The following INO80 variants were observed in gnomAD, a reference collection of about 807,000 sequenced individuals.
The protein encoded by INO80 is chromatin-remodeling ATPase INO80.
Under a neutral mutation model 203.4 loss-of-function variants are expected in INO80, and 20 were observed. The observed-to-expected ratio is 0.10, with a 90% CI of 0.07 to 0.14. The LOEUF (loss-of-function observed/expected upper bound fraction) is 0.14, where lower values mean the gene tolerates loss of function less well. INO80 is among the 10% of genes least tolerant of loss of function. INO80 has a pLI of 1.00. For missense variants in INO80, 1,419 were observed against 1,914.4 expected (o/e 0.74, Z 4.83); for synonymous variants, 726 against 685.2 (o/e 1.06, Z -0.93).
intron 28 of INO80, among the ~76,000 whole-genome samples, chr15:40,999,671 G>GTAGTGTA (rs1423665509): frequency 6.6e-6 from 1 of 152,164 alleles, no homozygotes; most frequent in Non-Finnish European, 1.5e-5. Flanking sequence ...ATTAAATTGT[G>GTAGTGTA]TAGTGTAAAC....
intron 27 of INO80, among the ~76,000 whole-genome samples, chr15:41,010,966 A>T (rs2044126584): frequency 6.6e-6 from 1 of 152,226 alleles, no homozygotes. Context: ...AGTCCAAGCA[A>T]ATTGAACCAA....
At chr15:41,055,117 T>C (rs2044959397) in intron 18 of INO80, 130 bp downstream of exon 18, 1 of 489,834 alleles carries the variant, frequency 2.0e-6, no homozygotes, top group African/African-American at 2.0e-5. Flanking sequence ...AAGCAAAAAA[T>C]GTGGTTTTCT....
At chr15:41,078,739 G>A (rs2045440968) in intron 9 of INO80, among the ~76,000 whole-genome samples, 1 of 108,982 alleles carries the variant, frequency 9.2e-6, no homozygotes, top group Non-Finnish European at 1.8e-5. Flanking sequence ...TTTATCAATG[G>A]CAATACAATG....
Position 40,990,072 on chromosome 15 carries a change from T to C in INO80, c.3571-2098A>G, listed in dbSNP as rs566373340. On this transcript the variant is annotated intron_variant, in intron 29 of 35. Coordinates refer to ENST00000648947, the MANE Select transcript of INO80 (RefSeq NM_017553.3). ...ATGGCTAAAATTTGTTGGGTACTTA[T>C]GAGCCCAGGACTAGTATGCATATAT... 5.3e-5 allele frequency among the ~76,000 whole-genome samples: 8 copies of C among 152,150 alleles called. No homozygotes were observed. The East Asian group carries it at 1.5e-3, about 29-fold the overall frequency.
intron 7 of INO80, among the ~76,000 whole-genome samples, chr15:41,082,792 G>A (rs185220223): frequency 1.8e-3 from 269 of 152,240 alleles, no homozygotes; most frequent in Non-Finnish European, 2.2e-3. Flanking sequence ...GCTGAGGTGC[G>A]AGGACTGCTT....
At chr15:41,030,426 G>C (rs755230377) in intron 24 of INO80, among the ~76,000 whole-genome samples, 1 of 152,096 alleles carries the variant, frequency 6.6e-6, no homozygotes, top group Non-Finnish European at 1.5e-5. Flanking sequence ...GCAGTGGTGC[G>C]ATCTCGGCTC....
At chr15:41,049,027 G>C (rs1403137290) in intron 21 of INO80, among the ~76,000 whole-genome samples, 2 of 152,204 alleles carry the variant, frequency 1.3e-5, no homozygotes, top group Admixed American at 6.5e-5. Flanking sequence ...CATACTTGCT[G>C]CAAGTACATA....
chr15:41,060,316 T>C (rs960818974), intron 14 of INO80, among the ~76,000 whole-genome samples: 1 of 152,168 alleles, frequency 6.6e-6, no homozygotes, highest in South Asian at 2.1e-4. Context: ...AGGCTGGGCA[T>C]GGTAGCTCAC....
At chr15:41,069,140 T>C (rs1477142098) in intron 14 of INO80, among the ~76,000 whole-genome samples, 2 of 152,174 alleles carry the variant, frequency 1.3e-5, no homozygotes, top group Non-Finnish European at 2.9e-5. Flanking sequence ...TATTTTTGTT[T>C]TTGTGACGGA....
chr15:41,071,628 AT>A (rs879445268), intron 12 of INO80, among the ~76,000 whole-genome samples: 5,953 of 141,892 alleles, frequency 0.042, 389 homozygotes, highest in African/African-American at 0.14. Context: ...CTAATTTTGT[AT>A]TTTTTTTTTT....
intron 19 of INO80, among the ~76,000 whole-genome samples, chr15:41,051,900 GTGA>G (rs1381449191): frequency 3.3e-4 from 50 of 152,282 alleles, no homozygotes; most frequent in African/African-American, 1.2e-3. Flanking sequence ...GGAGGTTGCA[GTGA>G]GCTGAGATCG....
rs1031718068 is a variant in INO80, at chr15:41,070,546, C to A, written c.1607G>T (p.Gly536Val). The change falls in exon 13 of 36, where the codon GGT (glycine) becomes GTT (valine). Residue 536 changes from glycine to valine, a missense_variant and splice_region_variant. Physicochemically the swap from Gly to Val is moderately radical, Grantham distance 109 (BLOSUM62 -3). Coordinates refer to ENST00000648947, the MANE Select transcript of INO80 (RefSeq NM_017553.3). ...TTCATCAGCAAGAATGCCATTAATA[C>A]CCTGGGGAAAAAAAATACATGGTCA... is the stretch of plus-strand genomic sequence containing the variant. ...MNWLANLYEQ[G>V]INGILADEMG... 6.2e-7 allele frequency: 1 copy of A among 1,613,164 alleles called. No homozygotes were observed. The highest frequency in any genetic ancestry group is 1.7e-4 in the Middle Eastern group (1 of 6,060).
chr15:41,100,363 T>C (rs753006456), intron 1 of INO80, among the ~76,000 whole-genome samples: 10 of 152,300 alleles, frequency 6.6e-5, no homozygotes, highest in East Asian at 3.9e-4. Context: ...TGTGAGCCAC[T>C]GTGCCCGGCC....
chr15:41,058,548 AGTCTGTGTGTGTGTGTGTGTGCGTGTGT>A, intron 16 of INO80, 63 bp downstream of exon 16: 1 of 1,093,112 alleles, frequency 9.1e-7, no homozygotes, highest in Middle Eastern at 2.4e-4. Context: ...CATATATACA[AGTCTGTGTGTGTGTGTGTGTGCGTGTGT>A]GTGTGTGTGT....
At chr15:41,099,777 C>A (rs1300752985) in intron 1 of INO80, among the ~76,000 whole-genome samples, 1 of 141,108 alleles carries the variant, frequency 7.1e-6, no homozygotes, top group Non-Finnish European at 1.5e-5. Flanking sequence ...GTGAGACTAT[C>A]CAAAAAAAAA....
intron 25 of INO80, among the ~76,000 whole-genome samples, chr15:41,023,759 A>T: frequency 1.0e-5 from 1 of 98,020 alleles, no homozygotes; most frequent in Non-Finnish European, 1.8e-5. Flanking sequence ...ACAGAGTGAG[A>T]CTCTGTCTCA....
Position 41,048,233 on chromosome 15 carries a change from G to T in INO80, c.2620C>A (p.Arg874=), listed in dbSNP as rs575876448. ...CTACCTTTTCTGTGAAAGAGAGACC[G>T]TTGGATATAGTCTGGTGCAAATGGA... ...LSPFAPDYIQ[R]SLFHRKGINE... is the part of the protein sequence containing the mutation. Residue 874 remains arginine (R), a synonymous_variant, in exon 22 of 36, where the codon CGG becomes AGG. Transcript: ENST00000648947. 3.1e-5 allele frequency: 50 copies of T among 1,613,066 alleles called. 1 individual carries two copies. The South Asian group carries it at 5.2e-4, about 17-fold the overall frequency.
chr15:41,022,567 A>G (rs2044310920), intron 25 of INO80, among the ~76,000 whole-genome samples: 1 of 152,186 alleles, frequency 6.6e-6, no homozygotes, highest in Admixed American at 6.5e-5. Context: ...CATGGGCTGT[A>G]GGTGCCTCTG....
Position 41,116,071 on chromosome 15 carries a change from C to T in INO80, c.-142G>A, listed in dbSNP as rs2046031824. The T allele has an allele frequency of 5.0e-6, 2 of 396,360 alleles. No individual in the cohort carries two copies. The highest frequency in any genetic ancestry group is 8.9e-6 in the Non-Finnish European group (2 of 224,592). 24.6% of individuals were successfully genotyped at this position (396,360 alleles called of 1,614,324 possible). A position where few individuals can be genotyped will look rare whatever the true frequency, so the allele number is the denominator to read the frequency against. On this transcript the variant is annotated 5_prime_UTR_variant, in exon 1 of 36. Transcript: ENST00000648947. ...GGTCGCCCCGCCGACGGTGGAGCCG[C>T]GGTTCGCTCTCTGAGGCCGTGGGAC...
Sources: allele counts gnomAD v4.1 joint callset (sites outside exome capture counted in the v4.1 genomes callset), GRCh38; gene constraint gnomAD v4.1.1; transcripts MANE v1.5; gene names NCBI Gene and HGNC (gene_info 2026-07-23, HGNC 2026-07-21).